RPSA2: variants seen among roughly 807,000 people sequenced by gnomAD.
RPSA2 encodes small ribosomal subunit protein uS2B.
At chr19:23,837,296 G>A in the RPSA2 span, among the ~76,000 whole-genome samples, 1 of 152,102 alleles carries the variant, frequency 6.6e-6, no homozygotes, top group Admixed American at 6.5e-5. Context: ...TTGGCTGTAA[G>A]TATTTGGGTT....
chr19:23,854,557 C>T, the RPSA2 span, among the ~76,000 whole-genome samples: 1 of 152,194 alleles, frequency 6.6e-6, no homozygotes, highest in South Asian at 2.1e-4. Flanking sequence ...TTCCCTGGTT[C>T]TGTGGCAAGG....
At chr19:23,778,995 C>CTTTTT in the RPSA2 span, among the ~76,000 whole-genome samples, 2,805 of 80,576 alleles carry the variant, frequency 0.035, 70 homozygotes, top group Non-Finnish European at 0.039. Flanking sequence ...TTTTGTGACA[C>CTTTTT]TTTTTTTTTT....
At chr19:23,836,370 C>A in the RPSA2 span, among the ~76,000 whole-genome samples, 1 of 151,644 alleles carries the variant, frequency 6.6e-6, no homozygotes, top group African/African-American at 2.4e-5. Flanking sequence ...CACACACACA[C>A]AGACACACAC....
chr19:23,826,200 C>CTT, the RPSA2 span, among the ~76,000 whole-genome samples: 1 of 144,222 alleles, frequency 6.9e-6, no homozygotes. Flanking sequence ...TTTCTTTTTT[C>CTT]TTTTTTTTTT....
chr19:23,855,642 G>A, the RPSA2 span, among the ~76,000 whole-genome samples: 1 of 150,036 alleles, frequency 6.7e-6, no homozygotes, highest in African/African-American at 2.5e-5. Flanking sequence ...TGAGGTTGAG[G>A]AAGTCAGACT....
At chr19:23,827,463 G>A in the RPSA2 span, 436 of 1,568,504 alleles carry the variant, frequency 2.8e-4, 1 homozygote, top group African/African-American at 5.3e-3. Context: ...CCAATTGCTG[G>A]CCGCTTCACT....
chr19:23,821,502 G>C, the RPSA2 span, among the ~76,000 whole-genome samples: 148,924 of 152,288 alleles, frequency 0.98, 72,911 homozygotes, highest in Middle Eastern at 1. Context: ...CTTCTTCCCT[G>C]CCTCCCCCAC....
chr19:23,841,421 G>T, the RPSA2 span, among the ~76,000 whole-genome samples: 11 of 151,758 alleles, frequency 7.2e-5, no homozygotes, highest in Non-Finnish European at 1.3e-4. Flanking sequence ...CCAAGATCAC[G>T]CCACTGCACT....
chr19:23,841,292 G>A, the RPSA2 span, among the ~76,000 whole-genome samples: 7 of 152,004 alleles, frequency 4.6e-5, no homozygotes, highest in East Asian at 1.2e-3. Flanking sequence ...GTGAAACCCC[G>A]TCTCTACTAA....
the RPSA2 span, among the ~76,000 whole-genome samples, chr19:23,835,489 T>C: frequency 6.6e-6 from 1 of 152,212 alleles, no homozygotes; most frequent in East Asian, 1.9e-4. Flanking sequence ...CTCTCTGCTT[T>C]GTATTGAATT....
At chr19:23,786,933 G>A in the RPSA2 span, among the ~76,000 whole-genome samples, 2 of 151,744 alleles carry the variant, frequency 1.3e-5, no homozygotes, top group Non-Finnish European at 2.9e-5. Flanking sequence ...CTGCCTACAT[G>A]GAAAGCTGTG....
the RPSA2 span, among the ~76,000 whole-genome samples, chr19:23,781,034 GC>G: frequency 6.6e-6 from 1 of 152,198 alleles, no homozygotes; most frequent in Non-Finnish European, 1.5e-5. Flanking sequence ...GAGTGCAGTG[GC>G]ATGATCTCGG....
At chr19:23,838,123 G>A in the RPSA2 span, among the ~76,000 whole-genome samples, 1 of 152,050 alleles carries the variant, frequency 6.6e-6, no homozygotes, top group Non-Finnish European at 1.5e-5. Flanking sequence ...TCCTTTTTAT[G>A]CCAACTTTGC....
chr19:23,821,076 G>A, the RPSA2 span, among the ~76,000 whole-genome samples: 2 of 152,354 alleles, frequency 1.3e-5, no homozygotes, highest in South Asian at 4.1e-4. Flanking sequence ...AGTCTCTAGA[G>A]TTACGTGAGG....
At chr19:23,777,798 C>T in the RPSA2 span, among the ~76,000 whole-genome samples, 4 of 152,086 alleles carry the variant, frequency 2.6e-5, no homozygotes, top group Admixed American at 2.6e-4. Flanking sequence ...TGTGCCCTGT[C>T]TACTTAGGCT....
At chr19:23,857,728 C>T in the RPSA2 span, among the ~76,000 whole-genome samples, 2 of 151,980 alleles carry the variant, frequency 1.3e-5, no homozygotes, top group African/African-American at 4.8e-5. Context: ...AACTGCTGAC[C>T]TCATGATCCA....
the RPSA2 span, among the ~76,000 whole-genome samples, chr19:23,867,707 G>C: frequency 6.6e-6 from 1 of 152,004 alleles, no homozygotes; most frequent in African/African-American, 2.4e-5. Context: ...GCGGGCGCCT[G>C]TAGTCCCAGC....
chr19:23,786,615 T>C, the RPSA2 span, among the ~76,000 whole-genome samples: 2 of 152,220 alleles, frequency 1.3e-5, no homozygotes, highest in Non-Finnish European at 2.9e-5. Context: ...ATGTAACTTT[T>C]TTTTTCTGGG....
At chr19:23,853,480 C>T in the RPSA2 span, among the ~76,000 whole-genome samples, 1 of 152,244 alleles carries the variant, frequency 6.6e-6, no homozygotes, top group Non-Finnish European at 1.5e-5. Context: ...AGAGCAGCCA[C>T]TGATCAAACA....
Sources: allele counts gnomAD v4.1 joint callset (sites outside exome capture counted in the v4.1 genomes callset), GRCh38; gene constraint gnomAD v4.1.1; transcripts MANE v1.5; gene names NCBI Gene and HGNC (gene_info 2026-07-23, HGNC 2026-07-21).